Variants in PLCB4 observed in about 807,000 individuals in gnomAD.
The protein encoded by PLCB4 is 1-phosphatidylinositol 4,5-bisphosphate phosphodiesterase beta-4.
PLCB4 carries 77 observed loss-of-function variants against 178.8 expected under a neutral mutation model. The observed-to-expected ratio is 0.43, with a 90% CI of 0.36 to 0.52. The LOEUF is 0.52. Ranked by LOEUF, PLCB4 falls within the 20% of genes least tolerant of loss-of-function variation. The probability of loss-of-function intolerance (pLI) is 0.00; values close to 1 mark genes in which losing one functional copy is unlikely to be tolerated. For missense variants in PLCB4, 1,024 were observed against 1,453.4 expected (o/e 0.70, Z 4.80); for synonymous variants, 496 against 490.8 (o/e 1.01, Z -0.14).
intron 3 of PLCB4, among the ~76,000 whole-genome samples, chr20:9,231,635 G>A (rs866529821): frequency 3.9e-5 from 6 of 152,144 alleles, no homozygotes; most frequent in Admixed American, 6.6e-5. Flanking sequence ...TTATAGGGCA[G>A]AGAGAGGAAA....
chr20:9,360,993 T>C (rs1049862270), intron 7 of PLCB4, among the ~76,000 whole-genome samples: 3 of 152,072 alleles, frequency 2.0e-5, no homozygotes, highest in Non-Finnish European at 4.4e-5. Flanking sequence ...CCAGAAAATA[T>C]CAAGTGTTGT....
Position 9,393,603 on chromosome 20 carries a change from G to A in PLCB4, c.1339G>A (p.Ala447Thr). Residue 447 changes from alanine to threonine, a missense_variant, in exon 18 of 40, where the codon GCT becomes ACT. Around this residue, in one of 7 missense-constraint regions of PLCB4, gnomAD observed 263 missense variants for 417.4 expected, o/e 0.63. Coordinates refer to ENST00000378473, the MANE Select transcript of PLCB4 (RefSeq NM_001377142.1). Reference sequence around the variant, plus strand: ...TTCTCTCTAGCTTGAACCAGGCAGGGCTTTGCCATCCCCCAATGACCTCAA... The same window carrying A: ...TTCTCTCTAGCTTGAACCAGGCAGGACTTTGCCATCCCCCAATGACCTCAA... ...LESHPLEPGR[A>T]LPSPNDLKRK... is the part of the protein sequence containing the mutation. 6.2e-7 allele frequency: 1 copy of A among 1,610,696 alleles called. No homozygotes were observed. The highest frequency in any genetic ancestry group is 8.5e-7 in the Non-Finnish European group (1 of 1,177,004).
chr20:9,210,684 C>T (rs982392427), intron 2 of PLCB4, among the ~76,000 whole-genome samples: 1 of 151,658 alleles, frequency 6.6e-6, no homozygotes. Flanking sequence ...TGTTAATAAC[C>T]GGCTCAAACT....
intron 7 of PLCB4, among the ~76,000 whole-genome samples, chr20:9,361,995 CT>C: frequency 6.6e-6 from 1 of 152,302 alleles, no homozygotes; most frequent in Non-Finnish European, 1.5e-5. Flanking sequence ...ATATTACTAT[CT>C]ATTCCAAGAT....
chr20:9,163,765 G>A (rs1244533486), intron 2 of PLCB4, among the ~76,000 whole-genome samples: 1 of 151,856 alleles, frequency 6.6e-6, no homozygotes, highest in Non-Finnish European at 1.5e-5. Context: ...ACATGATCAT[G>A]ATTTATCACA....
intron 19 of PLCB4, among the ~76,000 whole-genome samples, chr20:9,399,165 A>C (rs2038839674): frequency 6.6e-6 from 1 of 152,150 alleles, no homozygotes; most frequent in African/African-American, 2.4e-5. Flanking sequence ...AGGCAGAAAA[A>C]TATTTGCCTC....
chr20:9,070,510 T>C (rs2089513838), intron 1 of PLCB4, among the ~76,000 whole-genome samples: 1 of 152,210 alleles, frequency 6.6e-6, no homozygotes, highest in Admixed American at 6.5e-5. Flanking sequence ...ATCTGTGTTA[T>C]GTAATCCAGA....
At chr20:9,210,376 A>G (rs2093660747) in intron 2 of PLCB4, among the ~76,000 whole-genome samples, 1 of 152,166 alleles carries the variant, frequency 6.6e-6, no homozygotes, top group Admixed American at 6.5e-5. Flanking sequence ...AAGAAAAAAT[A>G]CAGAATAGGA....
intron 2 of PLCB4, among the ~76,000 whole-genome samples, chr20:9,126,011 T>C (rs1409377986): frequency 6.6e-6 from 1 of 152,166 alleles, no homozygotes; most frequent in Non-Finnish European, 1.5e-5. Context: ...AATTTGTGTG[T>C]GTGTGTATGC....
intron 32 of PLCB4, among the ~76,000 whole-genome samples, chr20:9,446,147 G>C (rs1485468710): frequency 6.6e-6 from 1 of 152,186 alleles, no homozygotes; most frequent in Non-Finnish European, 1.5e-5. Flanking sequence ...TACCCTGTAA[G>C]GTAAATTCTA....
At chr20:9,449,015 G>T (rs1423750322) in intron 32 of PLCB4, among the ~76,000 whole-genome samples, 1 of 152,036 alleles carries the variant, frequency 6.6e-6, no homozygotes, top group Non-Finnish European at 1.5e-5. Flanking sequence ...GTCTATTTTT[G>T]GAAAATGGCA....
chr20:9,222,547 G>A (rs546640790), intron 3 of PLCB4, among the ~76,000 whole-genome samples: 109 of 152,296 alleles, frequency 7.2e-4, no homozygotes, highest in Non-Finnish European at 1.3e-3. Context: ...AAAAGAAAGA[G>A]GTTACAGCAG....
chr20:9,367,255 A>T (rs2035864390), intron 9 of PLCB4, among the ~76,000 whole-genome samples: 2 of 152,152 alleles, frequency 1.3e-5, no homozygotes, highest in Admixed American at 1.3e-4. Flanking sequence ...AGTCATGAAG[A>T]CCTTAGACAA....
At chr20:9,282,870 C>T (rs2094505994) in intron 3 of PLCB4, among the ~76,000 whole-genome samples, 1 of 151,978 alleles carries the variant, frequency 6.6e-6, no homozygotes, top group South Asian at 2.1e-4. Flanking sequence ...TCTCATCTTC[C>T]AGTAGATTGT....
chr20:9,271,096 A>G (rs987833711), intron 3 of PLCB4, among the ~76,000 whole-genome samples: 1 of 152,150 alleles, frequency 6.6e-6, no homozygotes, highest in Non-Finnish European at 1.5e-5. Flanking sequence ...TAAAGGCCTT[A>G]TTGGGCAGAA....
intron 2 of PLCB4, among the ~76,000 whole-genome samples, chr20:9,137,808 G>C (rs566814920): frequency 6.6e-6 from 1 of 150,616 alleles, no homozygotes; most frequent in East Asian, 2.0e-4. Flanking sequence ...TAAGGGGCTA[G>C]CAACAGAAAA....
chr20:9,468,379 A>G (rs543110538), intron 35 of PLCB4, among the ~76,000 whole-genome samples, 192 bp from the exon 36 acceptor site: 2 of 152,270 alleles, frequency 1.3e-5, no homozygotes, highest in East Asian at 3.9e-4. Context: ...AATTATGTCT[A>G]TATATATAAA....
chr20:9,360,732 CATTTCTTTAATTCTACT>C (rs1469766446), intron 7 of PLCB4, among the ~76,000 whole-genome samples: 1 of 152,202 alleles, frequency 6.6e-6, no homozygotes, highest in Non-Finnish European at 1.5e-5. Context: ...ATAATTGAGG[CATTTCTTTAATTCTACT>C]ATTTCATTTC....
At chr20:9,081,115 G>C (rs1435692023) in intron 1 of PLCB4, among the ~76,000 whole-genome samples, 1 of 152,132 alleles carries the variant, frequency 6.6e-6, no homozygotes, top group Admixed American at 6.5e-5. Context: ...GTGAGCATCA[G>C]GTACTTTAAC....
Sources: allele counts gnomAD v4.1 joint callset (sites outside exome capture counted in the v4.1 genomes callset), GRCh38; gene constraint gnomAD v4.1.1; regional missense constraint gnomAD v4.1.1; transcripts MANE v1.5; gene names NCBI Gene and HGNC (gene_info 2026-07-23, HGNC 2026-07-21).